LTBP1: variants seen among roughly 807,000 people sequenced by gnomAD.
LTBP1 encodes the protein latent-transforming growth factor beta-binding protein 1.
LTBP1 carries 129 observed loss-of-function variants against 207.6 expected under a neutral mutation model. The ratio of observed to expected loss-of-function variants is 0.62; its 90% CI spans 0.54 to 0.72. The LOEUF (loss-of-function observed/expected upper bound fraction) is 0.72, where lower values mean the gene tolerates loss of function less well. Ranked by LOEUF, LTBP1 falls within the 30% of genes least tolerant of loss-of-function variation. The pLI is 0.00. For synonymous variants in LTBP1, 963 were observed against 833.7 expected (o/e 1.16, Z -2.67); for missense variants, 2,281 against 2,217.2 (o/e 1.03, Z -0.58).
At position 33,072,273 on chromosome 2, in the gene LTBP1, G is replaced by A. The variant is rs117761081; in HGVS notation, c.864-38309G>A. ...GGGCGCAGATCTTCCATGTCCTCCCGGGATGCACCACCCTCCAGGCACCTC... is the reference window on the plus strand; with the variant it reads ...GGGCGCAGATCTTCCATGTCCTCCCAGGATGCACCACCCTCCAGGCACCTC... On this transcript the variant is annotated intron_variant, in intron 3 of 33. Coordinates refer to ENST00000404816, the MANE Select transcript of LTBP1 (RefSeq NM_206943.4). Among the ~76,000 whole-genome samples, 39 of 152,238 alleles carry A rather than the reference G, an allele frequency of 2.6e-4. No individual in the cohort carries two copies. In the East Asian group the frequency reaches 6.8e-3, roughly 26 times the overall value.
intron 2 of LTBP1, among the ~76,000 whole-genome samples, chr2:32,975,653 T>A (rs936589753): frequency 1.5e-5 from 2 of 135,480 alleles, no homozygotes; most frequent in Non-Finnish European, 3.1e-5. Flanking sequence ...GAATCAGTGT[T>A]CAGGCTCTGA....
chr2:33,387,090 A>G (rs973741166), intron 31 of LTBP1, among the ~76,000 whole-genome samples: 3 of 152,170 alleles, frequency 2.0e-5, no homozygotes, highest in African/African-American at 4.8e-5. Flanking sequence ...GACCTGCGTC[A>G]TGAGCCACCA....
intron 4 of LTBP1, among the ~76,000 whole-genome samples, chr2:33,124,734 T>C (rs374114759): frequency 2.0e-5 from 3 of 152,246 alleles, no homozygotes; most frequent in African/African-American, 7.2e-5. Flanking sequence ...AAACTGACCA[T>C]GTGTAAGTAT....
chr2:33,370,360 G>C (rs373431568), intron 31 of LTBP1, among the ~76,000 whole-genome samples: 1 of 152,132 alleles, frequency 6.6e-6, no homozygotes, highest in African/African-American at 2.4e-5. Context: ...CCACTGCTTC[G>C]TAAACATTAA....
intron 1 of LTBP1, 138 bp from the exon 2 acceptor site, chr2:32,948,737 A>C (rs1191422058): frequency 2.6e-6 from 2 of 777,432 alleles, no homozygotes; most frequent in Admixed American, 4.2e-5. Flanking sequence ...TTGGGCATCC[A>C]GGGTACCTGT....
At chr2:33,077,104 G>C (rs937098147) in intron 3 of LTBP1, among the ~76,000 whole-genome samples, 5 of 152,182 alleles carry the variant, frequency 3.3e-5, no homozygotes, top group African/African-American at 1.2e-4. Context: ...ACTGTCAGAT[G>C]TGATAGTGTA....
Position 33,134,595 on chromosome 2 carries a change from C to G in LTBP1, c.1034-198C>G. On this transcript the variant is annotated intron_variant, in intron 4 of 33. Transcript: ENST00000404816. This position sits in a 1 kb window ranked among gnomAD's most constrained non-coding sequence, Gnocchi z 4.4. ...TTTGCTAAGCTTCCTACTCCTGTTT[C>G]AGAGACACCACTGAATACAGAGCAG... 1 of 1,537,508 alleles carries G rather than the reference C, an allele frequency of 6.5e-7. No individual in the cohort carries two copies. Among genetic ancestry groups the G allele is most frequent in the Non-Finnish European group, 8.8e-7 (1 of 1,140,284 alleles).
chr2:33,127,652 G>A (rs1386517403), intron 4 of LTBP1, among the ~76,000 whole-genome samples: 1 of 152,144 alleles, frequency 6.6e-6, no homozygotes, highest in Non-Finnish European at 1.5e-5. Flanking sequence ...ATTTTCTTTG[G>A]CCTGACTGAG....
At chr2:33,123,369 T>C (rs2081258535) in intron 4 of LTBP1, among the ~76,000 whole-genome samples, 1 of 152,148 alleles carries the variant, frequency 6.6e-6, no homozygotes, top group Admixed American at 6.5e-5. Flanking sequence ...TGGAATCCTA[T>C]CATGCCTCCT....
At chr2:32,959,611 A>AT (rs1558438493) in intron 2 of LTBP1, among the ~76,000 whole-genome samples, 15 of 30,282 alleles carry the variant, frequency 5.0e-4, no homozygotes, top group Non-Finnish European at 9.5e-4. Context: ...ATATATATAT[A>AT]TATATATATA....
At chr2:33,283,061 C>CAAAAA (rs201168175) in intron 19 of LTBP1, among the ~76,000 whole-genome samples, 3 of 49,418 alleles carry the variant, frequency 6.1e-5, no homozygotes, top group African/African-American at 1.4e-4. Context: ...GACTCCATCT[C>CAAAAA]AAAAAAAAAA....
At chr2:33,139,706 A>G (rs959517701) in intron 5 of LTBP1, among the ~76,000 whole-genome samples, 2 of 152,226 alleles carry the variant, frequency 1.3e-5, no homozygotes, top group Non-Finnish European at 2.9e-5. Context: ...GTAAAGATGC[A>G]TGGGGGAGTA....
chr2:33,331,235 T>C (rs2094490752), intron 24 of LTBP1, among the ~76,000 whole-genome samples: 1 of 151,556 alleles, frequency 6.6e-6, no homozygotes, highest in Non-Finnish European at 1.5e-5. Context: ...TTTATATTTA[T>C]TATTTTTTCT....
intron 24 of LTBP1, among the ~76,000 whole-genome samples, chr2:33,329,726 ATTAT>A (rs914092430): frequency 5.3e-5 from 8 of 152,050 alleles, no homozygotes; most frequent in Non-Finnish European, 1.2e-4. Context: ...CATTATTCAT[ATTAT>A]TTAATAGGTT....
chr2:33,119,363 A>G (rs1284310417), intron 4 of LTBP1, among the ~76,000 whole-genome samples: 1 of 152,192 alleles, frequency 6.6e-6, no homozygotes, highest in African/African-American at 2.4e-5. Flanking sequence ...TAGAACAGAA[A>G]TGGTAGCTTT....
chr2:33,323,624 GT>G (rs933095773), intron 24 of LTBP1, among the ~76,000 whole-genome samples: 19 of 97,902 alleles, frequency 1.9e-4, no homozygotes, highest in African/African-American at 7.7e-4. Flanking sequence ...GCAAGACTCC[GT>G]CTCAAAACAA....
chr2:32,992,031 G>T (rs1684496958), intron 2 of LTBP1, among the ~76,000 whole-genome samples: 1 of 152,266 alleles, frequency 6.6e-6, no homozygotes, highest in East Asian at 1.9e-4. Context: ...TATAAATTCT[G>T]ACTTTTGTCA....
rs1419851141 is a variant in LTBP1 at position 33,274,998 on chromosome 2, G to A, written c.2777G>A (p.Cys926Tyr). The change falls in exon 17 of 34, where the codon TGC (cysteine) becomes TAC (tyrosine). Residue 926 changes from cysteine to tyrosine, a missense_variant. This residue lies in a region of LTBP1 where 1,671 missense variants were observed against 1,634.8 expected (regional missense o/e 1.02). Coordinates refer to ENST00000404816, the MANE Select transcript of LTBP1 (RefSeq NM_206943.4). Reference sequence around the variant, plus strand: ...GAGTGTACTCAGGTCCAACACCTCTGCTCCCAGGGCCGCTGTGAAAACACC... The same window carrying A: ...GAGTGTACTCAGGTCCAACACCTCTACTCCCAGGGCCGCTGTGAAAACACC... Reference protein sequence around the residue: ...IDECTQVQHLCSQGRCENTEG... With the variant: ...IDECTQVQHLYSQGRCENTEG... The A allele has an allele frequency of 6.2e-7, 1 of 1,614,070 alleles. No individual in the cohort carries two copies. Among genetic ancestry groups the A allele is most frequent in the Non-Finnish European group, 8.5e-7 (1 of 1,179,950 alleles).
intron 15 of LTBP1, among the ~76,000 whole-genome samples, chr2:33,272,377 A>G (rs984445294): frequency 1.3e-5 from 2 of 152,154 alleles, no homozygotes; most frequent in Non-Finnish European, 2.9e-5. Flanking sequence ...GCGCCAAACT[A>G]TTTACCTTGG....
Sources: allele counts gnomAD v4.1 joint callset (sites outside exome capture counted in the v4.1 genomes callset), GRCh38; gene constraint gnomAD v4.1.1; regional missense constraint gnomAD v4.1.1; non-coding constraint Gnocchi (gnomAD v3.1); transcripts MANE v1.5; gene names NCBI Gene and HGNC (gene_info 2026-07-23, HGNC 2026-07-21).